GLT1D1: variants seen among roughly 807,000 people sequenced by gnomAD.
GLT1D1 encodes glycosyltransferase 1 domain containing 1.
A neutral mutation model predicts 28.7 loss-of-function variants in GLT1D1; 21 were observed. The observed-to-expected ratio is 0.73, with a 90% CI of 0.52 to 1.05. The LOEUF (loss-of-function observed/expected upper bound fraction) is 1.05, where lower values mean the gene tolerates loss of function less well. GLT1D1 is among the 50% of genes least tolerant of loss of function. The pLI is 0.00. For synonymous variants in GLT1D1, 147 were observed against 124.8 expected (o/e 1.18, Z -1.19); for missense variants, 343 against 330.6 (o/e 1.04, Z -0.29).
intron 3 of GLT1D1, among the ~76,000 whole-genome samples, chr12:128,893,876 C>A (rs1408552899): frequency 3.3e-5 from 5 of 152,152 alleles, no homozygotes; most frequent in Admixed American, 3.3e-4. Context: ...TGAGCCATCA[C>A]GCCCCACTAA....
intron 4 of GLT1D1, among the ~76,000 whole-genome samples, chr12:128,917,752 CA>C (rs1233772826): frequency 6.6e-6 from 1 of 152,142 alleles, no homozygotes; most frequent in Non-Finnish European, 1.5e-5. Context: ...TAGAGAAATG[CA>C]AATCGAAACC....
At chr12:128,927,531 C>G (rs1175527047) in intron 4 of GLT1D1, among the ~76,000 whole-genome samples, 1 of 151,920 alleles carries the variant, frequency 6.6e-6, no homozygotes, top group African/African-American at 2.4e-5. Flanking sequence ...AGCCACCGCG[C>G]CCAGCTTACA....
At chr12:128,917,283 T>A (rs1274887609) in intron 4 of GLT1D1, among the ~76,000 whole-genome samples, 1 of 152,212 alleles carries the variant, frequency 6.6e-6, no homozygotes, top group Non-Finnish European at 1.5e-5. Context: ...ATTTTAGCTA[T>A]TCTAGGTTTT....
chr12:128,980,804 G>A (rs1015477378), intron 7 of GLT1D1, among the ~76,000 whole-genome samples: 3 of 152,208 alleles, frequency 2.0e-5, no homozygotes, highest in Non-Finnish European at 4.4e-5. Context: ...CAAATTACCC[G>A]AACAAGTCAG....
rs1438210494 is a variant in GLT1D1, at chr12:128,984,498, C to G, written c.*1408C>G. On this transcript the variant is annotated 3_prime_UTR_variant, in exon 8 of 8. Coordinates refer to ENST00000281703, the MANE Select transcript of GLT1D1 (RefSeq NM_144669.3). The stretch of plus-strand genomic sequence containing the variant: ...CTCCATCATGTAATAGAATCGCTTT[C>G]CAGAAAGGCAGTTAACTGGAAGCAG... 2.6e-5 allele frequency: 4 copies of G among 152,160 alleles called. No individual in the cohort carries two copies. The highest frequency in any genetic ancestry group is 1.5e-5 in the Non-Finnish European group (1 of 68,052). The allele number at this position is 152,160 out of a possible 1,614,324, so 9.4% of individuals were successfully genotyped here.
chr12:128,902,291 C>T (rs953512487), intron 4 of GLT1D1, among the ~76,000 whole-genome samples: 2 of 151,104 alleles, frequency 1.3e-5, no homozygotes, highest in African/African-American at 4.9e-5. Flanking sequence ...CGAGACCAGC[C>T]TGACCAACAT....
intron 4 of GLT1D1, among the ~76,000 whole-genome samples, chr12:128,920,916 T>C (rs933646131): frequency 2.0e-5 from 3 of 152,188 alleles, no homozygotes; most frequent in African/African-American, 7.2e-5. Context: ...TTAAAAAAAT[T>C]AGTCAGGTAT....
chr12:128,969,164 G>A (rs1027303414), intron 7 of GLT1D1, among the ~76,000 whole-genome samples: 2 of 133,578 alleles, frequency 1.5e-5, no homozygotes, highest in Admixed American at 1.4e-4. Flanking sequence ...TTCTCTGATT[G>A]TCTCTTCCTC....
intron 4 of GLT1D1, among the ~76,000 whole-genome samples, chr12:128,935,116 G>A (rs1253802214): frequency 1.3e-5 from 2 of 152,218 alleles, no homozygotes; most frequent in East Asian, 1.9e-4. Context: ...AAGTACAGGC[G>A]GGGTGCGGGC....
chr12:128,868,566 G>A (rs1191896365), intron 1 of GLT1D1, among the ~76,000 whole-genome samples: 1 of 152,214 alleles, frequency 6.6e-6, no homozygotes, highest in Non-Finnish European at 1.5e-5. Flanking sequence ...GAAGGAGTGA[G>A]AAATACCATT....
intron 4 of GLT1D1, among the ~76,000 whole-genome samples, chr12:128,937,486 G>C (rs1874687962): frequency 6.6e-6 from 1 of 152,150 alleles, no homozygotes; most frequent in South Asian, 2.1e-4. Flanking sequence ...GTTACTTCTG[G>C]ACAGGGTGAT....
At chr12:128,979,141 C>A (rs749882089) in intron 7 of GLT1D1, among the ~76,000 whole-genome samples, 1 of 152,346 alleles carries the variant, frequency 6.6e-6, no homozygotes, top group South Asian at 2.1e-4. Context: ...GGTTCAAACG[C>A]CTCTGACAAT....
At chr12:128,974,829 A>T (rs77575865) in intron 7 of GLT1D1, among the ~76,000 whole-genome samples, 5,613 of 152,312 alleles carry the variant, frequency 0.037, 158 homozygotes, top group East Asian at 0.094. Flanking sequence ...CACTGGATGC[A>T]TGTTGGCTGC....
intron 4 of GLT1D1, 23 bp downstream of exon 8, chr12:128,927,177 C>G: frequency 6.7e-7 from 1 of 1,491,984 alleles, no homozygotes; most frequent in South Asian, 1.2e-5. Flanking sequence ...GCAGTAAACA[C>G]TTATCTCATC....
intron 4 of GLT1D1, 185 bp from the exon 9 acceptor site, chr12:128,945,141 A>G: frequency 1.4e-6 from 1 of 736,794 alleles, no homozygotes. Flanking sequence ...GCGACGACAC[A>G]GTGCCCTTGC....
chr12:128,960,294 T>C (rs1400892241), intron 7 of GLT1D1, among the ~76,000 whole-genome samples: 1 of 152,140 alleles, frequency 6.6e-6, no homozygotes, highest in Non-Finnish European at 1.5e-5. Flanking sequence ...TCAGTCTGGT[T>C]TGGTTTTCTT....
In GLT1D1 at chr12:128,905,362, C is replaced by T. The variant is rs139581028; in HGVS notation, c.375+6075C>T. Among the ~76,000 whole-genome samples the T allele has an allele frequency of 5.9e-5, 9 of 152,344 alleles. No individual in the cohort carries two copies. The East Asian group carries it at 1.7e-3, about 29-fold the overall frequency. On this transcript the variant is annotated intron_variant, in intron 4 of 7. Transcript: ENST00000281703. ...CGTGTGGCGAGGGCTGTTGTGTGCT[C>T]AGGGCAGCTCTGTTTCAGGATTTCT...
chr12:128,926,800 G>A (rs184866043), intron 4 of GLT1D1, among the ~76,000 whole-genome samples: 15 of 152,240 alleles, frequency 9.9e-5, no homozygotes, highest in Admixed American at 5.9e-4. Flanking sequence ...TAAGGTAATC[G>A]ATACAGTCTT....
intron 1 of GLT1D1, 35 bp from the exon 2 acceptor site, chr12:128,875,879 C>T (rs755058109): frequency 3.1e-6 from 5 of 1,589,742 alleles, no homozygotes; most frequent in Admixed American, 1.8e-5. Context: ...ACATTTTCCC[C>T]TCATCTTCTC....
Sources: gnomAD v4.1 joint callset for allele counts (sites outside exome capture counted in the v4.1 genomes callset) on GRCh38, gnomAD v4.1.1 for gene constraint, MANE v1.5 for transcripts, NCBI Gene and HGNC (gene_info 2026-07-23, HGNC 2026-07-21) for gene names.